SLC2A13: variants seen among roughly 807,000 people sequenced by gnomAD.
The protein encoded by SLC2A13 is proton myo-inositol cotransporter.
Under a neutral mutation model 64.4 loss-of-function variants are expected in SLC2A13, and 32 were observed. The observed-to-expected ratio is 0.50, with a 90% CI of 0.37 to 0.67. SLC2A13 has a LOEUF of 0.67. SLC2A13 is among the 30% of genes least tolerant of loss of function. The pLI is 0.00. For missense variants in SLC2A13, 743 were observed against 829.2 expected, an observed-to-expected ratio of 0.90 and a Z score of 1.28; for synonymous variants, 338 against 327.1, an observed-to-expected ratio of 1.03 and a Z score of -0.36.
chr12:39,831,270 G>A (rs1321164163), intron 6 of SLC2A13, among the ~76,000 whole-genome samples: 6 of 152,224 alleles, frequency 3.9e-5, no homozygotes, highest in African/African-American at 4.8e-5. Flanking sequence ...GCTGGGAACC[G>A]TTTTAAATGT....
intron 7 of SLC2A13, among the ~76,000 whole-genome samples, chr12:39,810,973 C>T (rs1942140283): frequency 6.6e-6 from 1 of 152,050 alleles, no homozygotes; most frequent in African/African-American, 2.4e-5. Context: ...CCACTCTGCC[C>T]TTTTCTGAAA....
At chr12:39,948,103 C>T (rs1592309633) in intron 4 of SLC2A13, among the ~76,000 whole-genome samples, 1 of 152,078 alleles carries the variant, frequency 6.6e-6, no homozygotes. Context: ...AGTTAGTACT[C>T]CATTTTCTCT....
chr12:39,883,365 C>A (rs1235149047), intron 4 of SLC2A13, among the ~76,000 whole-genome samples: 1 of 152,152 alleles, frequency 6.6e-6, no homozygotes, highest in Non-Finnish European at 1.5e-5. Flanking sequence ...GCCCTCATGG[C>A]TGGAGAAGAG....
intron 4 of SLC2A13, among the ~76,000 whole-genome samples, chr12:39,908,914 G>A (rs1945360194): frequency 1.3e-5 from 2 of 151,990 alleles, no homozygotes; most frequent in African/African-American, 2.4e-5. Context: ...GGCCTGAACA[G>A]TTATTGATAC....
At chr12:40,049,116 T>A (rs1213066322) in intron 1 of SLC2A13, among the ~76,000 whole-genome samples, 2 of 152,084 alleles carry the variant, frequency 1.3e-5, no homozygotes, top group African/African-American at 2.4e-5. Flanking sequence ...CCTATTTTAG[T>A]ATTTAGTATT....
At chr12:40,006,801 T>C (rs529387191) in intron 3 of SLC2A13, among the ~76,000 whole-genome samples, 4 of 152,344 alleles carry the variant, frequency 2.6e-5, no homozygotes, top group South Asian at 2.1e-4. Flanking sequence ...AATAAACCCA[T>C]GTCTACAGTG....
intron 3 of SLC2A13, among the ~76,000 whole-genome samples, chr12:40,017,011 T>G (rs1947631958): frequency 6.6e-6 from 1 of 152,204 alleles, no homozygotes; most frequent in African/African-American, 2.4e-5. Context: ...CATTGTGCAC[T>G]GACTTATGTC....
intron 4 of SLC2A13, among the ~76,000 whole-genome samples, chr12:39,904,404 A>T (rs1316842179): frequency 6.6e-6 from 1 of 152,060 alleles, no homozygotes; most frequent in African/African-American, 2.4e-5. Context: ...CAGTTCTCAA[A>T]CTCCAGGCAA....
At chr12:39,795,343 T>C (rs965392258) in intron 7 of SLC2A13, among the ~76,000 whole-genome samples, 1 of 152,194 alleles carries the variant, frequency 6.6e-6, no homozygotes, top group African/African-American at 2.4e-5. Context: ...TAATTTATCA[T>C]ATATTTCTTT....
intron 3 of SLC2A13, among the ~76,000 whole-genome samples, chr12:40,001,020 T>C (rs1947314177): frequency 6.6e-6 from 1 of 152,162 alleles, no homozygotes; most frequent in African/African-American, 2.4e-5. Flanking sequence ...GGAGAAATGA[T>C]AAGAGAGGGC....
chr12:39,850,698 G>T (rs1402183175), intron 6 of SLC2A13, among the ~76,000 whole-genome samples: 1 of 152,070 alleles, frequency 6.6e-6, no homozygotes, highest in African/African-American at 2.4e-5. Flanking sequence ...ATATGAATAA[G>T]GATGATAATA....
intron 6 of SLC2A13, among the ~76,000 whole-genome samples, chr12:39,843,930 CT>C (rs569500600): frequency 1.3e-5 from 2 of 152,022 alleles, no homozygotes; most frequent in African/African-American, 4.8e-5. Context: ...TATCAGTATG[CT>C]TTTTTCCCCC....
rs199549224 is a variant in SLC2A13, at chr12:39,909,230, TC to T, written c.1035-37270del. Reference sequence around the variant, plus strand: ...TTGTGAGGTCTAAATGTACAATACTTCCTAATCATATAATTCTTTTATAAGT... The same window carrying T: ...TTGTGAGGTCTAAATGTACAATACTTCTAATCATATAATTCTTTTATAAGT... On this transcript the variant is annotated intron_variant, in intron 4 of 9. Transcript: ENST00000280871. Among the ~76,000 whole-genome samples, 1,439 of 152,224 alleles carry T rather than the reference TC, an allele frequency of 9.5e-3. 16 individuals are homozygous for T. Among genetic ancestry groups the T allele is most frequent in the Non-Finnish European group, 0.015 (1,027 of 68,016 alleles).
chr12:39,971,932 G>A (rs1157067160), intron 3 of SLC2A13, among the ~76,000 whole-genome samples: 1 of 144,112 alleles, frequency 6.9e-6, no homozygotes, highest in African/African-American at 2.6e-5. Flanking sequence ...CTGAGATCAC[G>A]CCACTGCACT....
chr12:39,865,181 T>C (rs1464028394), intron 5 of SLC2A13, among the ~76,000 whole-genome samples: 2 of 152,218 alleles, frequency 1.3e-5, no homozygotes, highest in Admixed American at 6.5e-5. Context: ...GCACACCTAG[T>C]ATTGCTGAAA....
intron 7 of SLC2A13, among the ~76,000 whole-genome samples, chr12:39,784,126 T>C (rs908848609): frequency 6.6e-6 from 1 of 152,144 alleles, no homozygotes; most frequent in Non-Finnish European, 1.5e-5. Flanking sequence ...GAAGAATCAA[T>C]ATCGTGAAAA....
intron 1 of SLC2A13, among the ~76,000 whole-genome samples, chr12:40,069,458 G>T (rs1937869909): frequency 6.6e-6 from 1 of 151,874 alleles, no homozygotes; most frequent in African/African-American, 2.4e-5. Flanking sequence ...AAATATAAAA[G>T]AAATTAAGTC....
chr12:39,886,924 T>C (rs1292320889), intron 4 of SLC2A13, among the ~76,000 whole-genome samples: 2 of 152,214 alleles, frequency 1.3e-5, no homozygotes, highest in African/African-American at 4.8e-5. Context: ...GTTTTGCGTA[T>C]GTTAAATCAT....
At chr12:39,798,648 T>A (rs1473936756) in intron 7 of SLC2A13, among the ~76,000 whole-genome samples, 1 of 152,158 alleles carries the variant, frequency 6.6e-6, no homozygotes, top group Non-Finnish European at 1.5e-5. Flanking sequence ...AAGCACAGCC[T>A]CCCTGGAACA....
Sources: allele counts gnomAD v4.1 joint callset (sites outside exome capture counted in the v4.1 genomes callset), GRCh38; gene constraint gnomAD v4.1.1; transcripts MANE v1.5; gene names NCBI Gene and HGNC (gene_info 2026-07-23, HGNC 2026-07-21).